Variants in POLK observed in about 807,000 individuals in gnomAD.
POLK encodes DNA polymerase kappa.
Under a neutral mutation model 94.0 loss-of-function variants are expected in POLK, and 76 were observed. That is an observed-to-expected ratio of 0.81 (90% confidence interval 0.67 to 0.98). The LOEUF (loss-of-function observed/expected upper bound fraction) is 0.98, where lower values mean the gene tolerates loss of function less well. Among genes scored for constraint, POLK ranks in the 50% least tolerant of loss-of-function variants. The probability of loss-of-function intolerance (pLI) is 0.00; values close to 1 mark genes in which losing one functional copy is unlikely to be tolerated. For synonymous variants in POLK, 349 were observed against 325.4 expected (o/e 1.07, Z -0.78); for missense variants, 954 against 1,010.1 (o/e 0.94, Z 0.75).
chr5:75,547,042 AGT>A lies in POLK; in HGVS notation c.24_25del (p.Cys8Ter). On this transcript the variant is annotated frameshift_variant, in exon 2 of 15. Coordinates refer to ENST00000241436, the Ensembl canonical transcript of POLK. LOFTEE classifies it high-confidence loss of function. ...TATACCATGGATAGCACAAAGGAGA[AGT>A]GTGACAGTTACAAAGATGATCTTCT... is the stretch of plus-strand genomic sequence containing the variant. The A allele has an allele frequency of 6.5e-7, 1 of 1,529,472 alleles. No homozygotes were observed. Among genetic ancestry groups the A allele is most frequent in the South Asian group, 1.2e-5 (1 of 82,468 alleles). The allele number at this position is 1,529,472 out of a possible 1,614,324, so 94.7% of individuals were successfully genotyped here.
At chr5:75,576,110 G>A (rs1375147360) in intron 5 of POLK, among the ~76,000 whole-genome samples, 4 of 152,034 alleles carry the variant, frequency 2.6e-5, no homozygotes, top group African/African-American at 9.7e-5. Flanking sequence ...ATCTTTATAT[G>A]TATTTCTTTT....
At chr5:75,566,182 A>C (rs1335569877) in intron 3 of POLK, among the ~76,000 whole-genome samples, 1 of 152,090 alleles carries the variant, frequency 6.6e-6, no homozygotes, top group East Asian at 1.9e-4. Context: ...AAAACCACCT[A>C]CTCAGGCCTC....
At position 75,576,775 on chromosome 5, in the gene POLK, T is replaced by TGAAG. The variant is rs1320844563; in HGVS notation, c.541-3_541dup. On this transcript the variant is annotated splice_region_variant and splice_polypyrimidine_tract_variant and intron_variant, in intron 5 of 14. Transcript: ENST00000241436. ...AATTTAAACTTTTTTTTGTTTCCTTTGAAGGTTAAGGAAATACTTGCTGAT... is the reference window on the plus strand; with the variant it reads ...AATTTAAACTTTTTTTTGTTTCCTTTGAAGGAAGGTTAAGGAAATACTTGCTGAT... The TGAAG allele has an allele frequency of 2.7e-6, 4 of 1,465,876 alleles. No homozygotes were observed. Among genetic ancestry groups the TGAAG allele is most frequent in the Non-Finnish European group, 3.6e-6 (4 of 1,102,544 alleles). 90.8% of individuals were successfully genotyped at this position (1,465,876 alleles called of 1,614,324 possible).
At position 75,528,116 on chromosome 5, in the gene POLK, A is replaced by G. The variant is rs995015369; in HGVS notation, c.-14+16202A>G. 5.3e-4 allele frequency among the ~76,000 whole-genome samples: 80 copies of G among 152,342 alleles called. 1 individual carries two copies. The highest frequency in any genetic ancestry group is 1.0e-4 in the Non-Finnish European group (7 of 68,032). On this transcript the variant is annotated intron_variant, in intron 1 of 14. Coordinates refer to ENST00000241436, the Ensembl canonical transcript of POLK. ...AAAATTTCCCTTCATACAGTTTTAAATAAAGAAAACAGACTAGAAAACAAT... is the reference window on the plus strand; with the variant it reads ...AAAATTTCCCTTCATACAGTTTTAAGTAAAGAAAACAGACTAGAAAACAAT...
At chr5:75,520,357 T>G (rs1768514860) in intron 1 of POLK, among the ~76,000 whole-genome samples, 1 of 152,128 alleles carries the variant, frequency 6.6e-6, no homozygotes, top group African/African-American at 2.4e-5. Context: ...GCATCCTGGG[T>G]TTATCTATGT....
chr5:75,585,199 A>G (rs1252120895), intron 9 of POLK, among the ~76,000 whole-genome samples: 1 of 152,240 alleles, frequency 6.6e-6, no homozygotes, highest in Non-Finnish European at 1.5e-5. Context: ...TTCTTTGTTC[A>G]GAACCTAAGA....
intron 1 of POLK, among the ~76,000 whole-genome samples, chr5:75,540,178 A>G (rs1271916446): frequency 6.6e-6 from 1 of 152,100 alleles, no homozygotes; most frequent in Non-Finnish European, 1.5e-5. Flanking sequence ...TTTATTAGAT[A>G]TTTTGCTTCC....
chr5:75,516,637 G>C (rs1173324150), intron 1 of POLK, among the ~76,000 whole-genome samples: 2 of 151,904 alleles, frequency 1.3e-5, no homozygotes, highest in African/African-American at 4.8e-5. Flanking sequence ...TGCATTCAAA[G>C]CCAGGTAACA....
intron 3 of POLK, chr5:75,568,796 A>G (rs2112756045): frequency 4.2e-6 from 1 of 237,960 alleles, no homozygotes; most frequent in East Asian, 1.4e-4. Context: ...AAGAGGTACT[A>G]TATTTTGTTG....
In POLK at chr5:75,596,411, C is replaced by G. The variant is rs1561414456; in HGVS notation, c.1718C>G (p.Ser573Ter). The change falls in exon 13 of 15, where the codon TCA becomes TGA. Residue 573 changes from serine to a stop codon, truncating the protein, a stop_gained. Coordinates refer to ENST00000241436, the Ensembl canonical transcript of POLK. LOFTEE classifies it high-confidence loss of function. Reference sequence around the variant, plus strand: ...AAGAGTTTCTTTGATAAAAAACGATCAGAAAGGAAATGGAGTCACCAAGAT... The same window carrying G: ...AAGAGTTTCTTTGATAAAAAACGATGAGAAAGGAAATGGAGTCACCAAGAT... 6.2e-7 allele frequency: 1 copy of G among 1,613,732 alleles called. No individual in the cohort carries two copies. The highest frequency in any genetic ancestry group is 8.5e-7 in the Non-Finnish European group (1 of 1,179,780).
At chr5:75,592,277 T>C (rs537017276) in intron 11 of POLK, among the ~76,000 whole-genome samples, 1 of 152,368 alleles carries the variant, frequency 6.6e-6, no homozygotes, top group African/African-American at 2.4e-5. Flanking sequence ...AAGTGTGAAC[T>C]ATTCATAAGT....
At chr5:75,545,571 G>A (rs1181310886) in intron 1 of POLK, among the ~76,000 whole-genome samples, 1 of 152,108 alleles carries the variant, frequency 6.6e-6, no homozygotes, top group Non-Finnish European at 1.5e-5. Flanking sequence ...GCTAATGTAT[G>A]TGAAGATAAA....
rs574226929 is a variant in POLK, at chr5:75,552,159, G to A, written c.136-313G>A. On this transcript the variant is annotated intron_variant, in intron 2 of 14. Transcript: ENST00000241436. The stretch of plus-strand genomic sequence containing the variant: ...ACTAAGGCCTTTGATACCCACTGTG[G>A]ATCCTACCTAGGACATACTGTTCTT... Among the ~76,000 whole-genome samples, 44 of 152,206 alleles carry A rather than the reference G, an allele frequency of 2.9e-4. 1 individual carries two copies. The South Asian group carries it at 8.1e-3, about 28-fold the overall frequency.
chr5:75,576,966 A>G (rs1350325589), intron 6 of POLK, 33 bp downstream of exon 6: 3 of 1,385,808 alleles, frequency 2.2e-6, no homozygotes, highest in Middle Eastern at 1.9e-4. Context: ...CAAACCAAGA[A>G]GCAGTGAAAA....
intron 3 of POLK, among the ~76,000 whole-genome samples, chr5:75,565,285 C>A (rs1771211914): frequency 6.6e-6 from 1 of 152,056 alleles, no homozygotes; most frequent in Admixed American, 6.6e-5. Flanking sequence ...TTCCTGTAAC[C>A]TTTTATCAAG....
At chr5:75,515,055 C>G (rs979605037) in intron 1 of POLK, among the ~76,000 whole-genome samples, 7 of 152,064 alleles carry the variant, frequency 4.6e-5, no homozygotes, top group East Asian at 1.9e-4. Context: ...CAGTTTACAG[C>G]TCTTTTCTTG....
At chr5:75,596,827 A>G in exon 13 of POLK, 1 of 1,612,848 alleles carries the variant, frequency 6.2e-7, no homozygotes, top group Non-Finnish European at 8.5e-7. Context: ...TAACTCATCT[A>G]AAGCAGAAAG....
intron 4 of POLK, 72 bp downstream of exon 4, chr5:75,569,564 G>T: frequency 7.6e-7 from 1 of 1,319,764 alleles, no homozygotes; most frequent in Non-Finnish European, 1.1e-6. Flanking sequence ...TCATGAAGGG[G>T]GAATTCTTTA....
intron 11 of POLK, among the ~76,000 whole-genome samples, chr5:75,591,813 A>G (rs1213087495): frequency 2.0e-5 from 3 of 152,152 alleles, no homozygotes. Flanking sequence ...TGATTTTCTC[A>G]TGATTAGATC....
Sources: allele counts gnomAD v4.1 joint callset (sites outside exome capture counted in the v4.1 genomes callset), GRCh38; gene constraint gnomAD v4.1.1; transcripts MANE v1.5; gene names NCBI Gene and HGNC (gene_info 2026-07-23, HGNC 2026-07-21).